Variants in FHOD3 observed in about 807,000 individuals in gnomAD.
The protein encoded by FHOD3 is formin homology 2 domain containing 3.
Under a neutral mutation model 173.0 loss-of-function variants are expected in FHOD3, and 90 were observed. The ratio of observed to expected loss-of-function variants is 0.52; its 90% CI spans 0.44 to 0.62. The LOEUF (loss-of-function observed/expected upper bound fraction) is 0.62. FHOD3 is among the 20% of genes least tolerant of loss of function. FHOD3 has a pLI of 0.00. For missense variants in FHOD3, 1,945 were observed against 2,034.7 expected, an observed-to-expected ratio of 0.96 and a Z score of 0.85; for synonymous variants, 828 against 823.0, an observed-to-expected ratio of 1.01 and a Z score of -0.10.
chr18:36,753,199 T>A (rs75200332), intron 24 of FHOD3, among the ~76,000 whole-genome samples: 6,055 of 152,052 alleles, frequency 0.04, 163 homozygotes, highest in Non-Finnish European at 0.064. Flanking sequence ...CCCTGTGGAG[T>A]GGCCTCCTCA....
chr18:36,778,297 T>A (rs2150481055), intron 28 of FHOD3: 1 of 152,288 alleles, frequency 6.6e-6, no homozygotes, highest in South Asian at 2.1e-4. Context: ...GAGCTTACTT[T>A]CTCTGAACTT....
At chr18:36,644,642 G>C (rs982219436) in intron 10 of FHOD3, among the ~76,000 whole-genome samples, 3 of 152,372 alleles carry the variant, frequency 2.0e-5, no homozygotes, top group Non-Finnish European at 4.4e-5. Flanking sequence ...AGAGAAGACA[G>C]CTTGGGATGT....
chr18:36,591,415 A>G (rs532030711), intron 6 of FHOD3, among the ~76,000 whole-genome samples: 68 of 152,106 alleles, frequency 4.5e-4, no homozygotes, highest in African/African-American at 1.6e-3. Context: ...TGAGAAAGGG[A>G]GGCTGGGGGC....
At chr18:36,632,140 T>C (rs945492318) in intron 10 of FHOD3, among the ~76,000 whole-genome samples, 1 of 152,224 alleles carries the variant, frequency 6.6e-6, no homozygotes, top group Admixed American at 6.5e-5. Flanking sequence ...AATATTGATA[T>C]TGCCATATTG....
At chr18:36,341,335 C>T (rs1249766115) in intron 1 of FHOD3, among the ~76,000 whole-genome samples, 1 of 152,124 alleles carries the variant, frequency 6.6e-6, no homozygotes, top group African/African-American at 2.4e-5. Context: ...CTACCCAGAA[C>T]AGTGGAGAAG....
intron 26 of FHOD3, among the ~76,000 whole-genome samples, chr18:36,759,793 C>T (rs949350035): frequency 6.6e-6 from 1 of 152,228 alleles, no homozygotes; most frequent in African/African-American, 2.4e-5. Context: ...ATGCCTGAGA[C>T]ACTGGGTGAC....
rs1323544339 is a variant in FHOD3 at position 36,653,368 on chromosome 18, C to T, written c.1673C>T (p.Thr558Ile). 2 of 1,535,190 alleles carry T rather than the reference C, an allele frequency of 1.3e-6. No homozygotes were observed. Among genetic ancestry groups the T allele is most frequent in the Non-Finnish European group, 1.7e-6 (2 of 1,146,564 alleles). Residue 558 changes from threonine (T) to isoleucine (I), a missense_variant, in exon 13 of 29, where the codon ACA becomes ATA. By Grantham distance (89) the Thr-to-Ile change is moderately conservative. Around this residue, in one of 5 missense-constraint regions of FHOD3, gnomAD observed 1,099 missense variants for 1,051.2 expected, o/e 1.05. Transcript: ENST00000590592. ...NSSSDSFSLS[T>I]YSASEPYHFR... ...TCCTCTGATTCTTTCTCTTTGAGCA[C>T]ATATTCTGCCTCTGAGCCTTACCAC... is the stretch of plus-strand genomic sequence containing the variant.
rs572569024 is a variant in FHOD3, at chr18:36,639,208, CT to C, written c.1197-10107del. Among the ~76,000 whole-genome samples the C allele has an allele frequency of 4.7e-4, 71 of 152,314 alleles. 1 individual carries two copies. The highest frequency in any genetic ancestry group is 3.4e-3 in the Middle Eastern group (1 of 294). Reference sequence around the variant, plus strand: ...GCAGCCTATCTTCATCCTAATTTCTCTGTCAACTTCTGCTCTGTCAACTTCT... The same window carrying C: ...GCAGCCTATCTTCATCCTAATTTCTCGTCAACTTCTGCTCTGTCAACTTCT... On this transcript the variant is annotated intron_variant, in intron 10 of 28. Transcript: ENST00000590592.
chr18:36,718,822 G>T, intron 19 of FHOD3, 107 bp downstream of exon 19: 2 of 1,498,352 alleles, frequency 1.3e-6, no homozygotes, highest in Non-Finnish European at 8.8e-7. Flanking sequence ...TTGGTAAAAA[G>T]TCCATTGGTA....
intron 3 of FHOD3, among the ~76,000 whole-genome samples, chr18:36,446,680 T>C (rs993543547): frequency 6.6e-6 from 1 of 152,162 alleles, no homozygotes; most frequent in African/African-American, 2.4e-5. Context: ...TGGTTTGCAC[T>C]GGCCAGTTCA....
At chr18:36,715,274 AG>A (rs2040386753) in intron 18 of FHOD3, among the ~76,000 whole-genome samples, 2 of 152,202 alleles carry the variant, frequency 1.3e-5, no homozygotes, top group African/African-American at 4.8e-5. Context: ...AGTTCTCACA[AG>A]ATCTGATAGT....
intron 5 of FHOD3, among the ~76,000 whole-genome samples, chr18:36,529,444 G>A (rs1223633954): frequency 7.6e-6 from 1 of 132,322 alleles, no homozygotes; most frequent in Admixed American, 7.3e-5. Context: ...CTTGCTGTCT[G>A]ATTTTTTCTT....
chr18:36,728,122 C>T (rs2041171631), intron 19 of FHOD3, among the ~76,000 whole-genome samples: 1 of 152,162 alleles, frequency 6.6e-6, no homozygotes, highest in African/African-American at 2.4e-5. Flanking sequence ...ATGGGGCCAG[C>T]TTCAGTTGCA....
chr18:36,416,355 A>G (rs763258235), intron 3 of FHOD3, among the ~76,000 whole-genome samples: 32 of 152,302 alleles, frequency 2.1e-4, no homozygotes, highest in Admixed American at 7.2e-4. Flanking sequence ...TTAACCATCT[A>G]TGATTACACT....
At chr18:36,705,477 A>T (rs1202007125) in intron 17 of FHOD3, among the ~76,000 whole-genome samples, 2 of 152,122 alleles carry the variant, frequency 1.3e-5, no homozygotes, top group African/African-American at 4.8e-5. Flanking sequence ...TATCTTACAC[A>T]TCCATCACTC....
intron 5 of FHOD3, among the ~76,000 whole-genome samples, chr18:36,541,642 T>G (rs1056851210): frequency 6.6e-6 from 1 of 152,078 alleles, no homozygotes; most frequent in Admixed American, 6.6e-5. Context: ...CCAAATAAAG[T>G]GGAAAGTGAG....
rs1406067163 is a variant in FHOD3 at position 36,744,213 on chromosome 18, G to C, written c.4041+20G>C. ...GCCAAGGTATGTCTGTGGACGCTGAGGAGTGGGCCTGGTCTCGCTGCAGCC... is the reference window on the plus strand; with the variant it reads ...GCCAAGGTATGTCTGTGGACGCTGACGAGTGGGCCTGGTCTCGCTGCAGCC... On this transcript the variant is annotated intron_variant, in intron 23 of 28. Coordinates refer to ENST00000590592, the MANE Select transcript of FHOD3 (RefSeq NM_001281740.3). 6.2e-7 allele frequency: 1 copy of C among 1,600,748 alleles called. No individual in the cohort carries two copies. Among genetic ancestry groups the C allele is most frequent in the Admixed American group, 1.7e-5 (1 of 57,574 alleles).
intron 26 of FHOD3, among the ~76,000 whole-genome samples, chr18:36,760,366 G>A (rs2042816931): frequency 6.6e-6 from 1 of 152,184 alleles, no homozygotes; most frequent in South Asian, 2.1e-4. Context: ...TGACAGAGAC[G>A]GCTACAATGG....
rs375342672 is a variant in FHOD3, at chr18:36,595,624, C to CT, written c.718+727dup. 2.5e-3 allele frequency among the ~76,000 whole-genome samples: 388 copies of CT among 152,342 alleles called. 3 individuals carry two copies. The highest frequency in any genetic ancestry group is 9.2e-3 in the African/African-American group (382 of 41,584). Reference sequence around the variant, plus strand: ...GGTTGCCTGCTCAAGGATGGGGTCTCTGTCTCCCAGAGTGATGTCCCAGCA... The same window carrying CT: ...GGTTGCCTGCTCAAGGATGGGGTCTCTTGTCTCCCAGAGTGATGTCCCAGCA... On this transcript the variant is annotated intron_variant, in intron 7 of 28. Coordinates refer to ENST00000590592, the MANE Select transcript of FHOD3 (RefSeq NM_001281740.3).
Sources: allele counts gnomAD v4.1 joint callset (sites outside exome capture counted in the v4.1 genomes callset), GRCh38; gene constraint gnomAD v4.1.1; regional missense constraint gnomAD v4.1.1; transcripts MANE v1.5; gene names NCBI Gene and HGNC (gene_info 2026-07-23, HGNC 2026-07-21).